Variants in DPP10 observed in about 807,000 individuals in gnomAD.
The protein encoded by DPP10 is dipeptidyl peptidase like 10.
In DPP10, 33 loss-of-function variants were observed where a neutral mutation model predicts 120.9. That is an observed-to-expected ratio of 0.27 (90% confidence interval 0.21 to 0.37). The LOEUF is 0.37. Among genes scored for constraint, DPP10 ranks in the 10% least tolerant of loss-of-function variants. The pLI, the probability that DPP10 is intolerant of heterozygous loss-of-function variation, is 1.00. For synonymous variants in DPP10, 337 were observed against 326.1 expected (o/e 1.03, Z -0.36); for missense variants, 816 against 942.8 (o/e 0.87, Z 1.76).
chr2:114,460,169 ATATCTATCTATCTATCTATCTATCTATC>A (rs10686701), intron 1 of DPP10, among the ~76,000 whole-genome samples: 14 of 148,516 alleles, frequency 9.4e-5, no homozygotes, highest in African/African-American at 1.7e-4. Context: ...ATTTGGGATG[ATATCTATCTATCTATCTATCTATCTATC>A]TATCTATCTA....
chr2:115,078,012 A>G (rs1707941886), intron 1 of DPP10, among the ~76,000 whole-genome samples: 1 of 152,200 alleles, frequency 6.6e-6, no homozygotes, highest in African/African-American at 2.4e-5. Flanking sequence ...AAATCACTTC[A>G]GTCTTTTCTA....
intron 7 of DPP10, among the ~76,000 whole-genome samples, chr2:115,691,137 A>G (rs2091291240): frequency 6.6e-6 from 1 of 151,722 alleles, no homozygotes; most frequent in East Asian, 1.9e-4. Flanking sequence ...GTTAAAAGGA[A>G]CCCCTTATAT....
intron 15 of DPP10, among the ~76,000 whole-genome samples, chr2:115,779,448 C>A (rs1414098408): frequency 6.6e-5 from 10 of 152,040 alleles, no homozygotes; most frequent in Admixed American, 6.6e-4. Flanking sequence ...CTAGGCACCC[C>A]TGCAGGAGTA....
intron 3 of DPP10, among the ~76,000 whole-genome samples, chr2:115,390,672 T>C (rs2067258600): frequency 6.6e-6 from 1 of 152,170 alleles, no homozygotes; most frequent in Non-Finnish European, 1.5e-5. Context: ...TTACATTTAG[T>C]TAATGAGATA....
At chr2:115,336,601 A>C (rs28495778) in intron 2 of DPP10, among the ~76,000 whole-genome samples, 32,923 of 91,662 alleles carry the variant, frequency 0.36, 4,181 homozygotes, top group East Asian at 0.41. Context: ...CTCTCTCTCT[A>C]TATATATATA....
At chr2:114,961,285 C>T (rs1698609121) in intron 1 of DPP10, among the ~76,000 whole-genome samples, 1 of 152,008 alleles carries the variant, frequency 6.6e-6, no homozygotes, top group Non-Finnish European at 1.5e-5. Context: ...AACTCCCGAC[C>T]TCAGGTGATC....
At chr2:115,812,183 A>T (rs1686717704) in intron 19 of DPP10, among the ~76,000 whole-genome samples, 1 of 152,118 alleles carries the variant, frequency 6.6e-6, no homozygotes, top group Non-Finnish European at 1.5e-5. Flanking sequence ...TGGTATTTTT[A>T]CTCAGCTTAG....
At chr2:114,799,021 C>T (rs929672850) in intron 1 of DPP10, among the ~76,000 whole-genome samples, 6 of 151,960 alleles carry the variant, frequency 3.9e-5, no homozygotes, top group African/African-American at 7.3e-5. Context: ...CCCAGCTAAT[C>T]GGGAAGCTGG....
intron 1 of DPP10, among the ~76,000 whole-genome samples, chr2:114,597,171 AAG>A (rs1369398077): frequency 6.6e-6 from 1 of 152,042 alleles, no homozygotes; most frequent in Non-Finnish European, 1.5e-5. Flanking sequence ...ATTCCAGCAA[AAG>A]AGAGAGGCAT....
At chr2:114,673,119 T>C (rs1698453557) in intron 1 of DPP10, among the ~76,000 whole-genome samples, 1 of 152,186 alleles carries the variant, frequency 6.6e-6, no homozygotes, top group African/African-American at 2.4e-5. Flanking sequence ...TCTTTCTCTG[T>C]GTGCTACTTA....
chr2:114,768,703 A>G (rs1172297661), intron 1 of DPP10, among the ~76,000 whole-genome samples: 2 of 152,154 alleles, frequency 1.3e-5, no homozygotes, highest in African/African-American at 4.8e-5. Context: ...TATTCTGCCT[A>G]CCACAGGGCC....
intron 1 of DPP10, among the ~76,000 whole-genome samples, chr2:114,775,499 C>G (rs1681646604): frequency 6.6e-6 from 1 of 152,142 alleles, no homozygotes; most frequent in African/African-American, 2.4e-5. Context: ...TGTCCCACTT[C>G]TGGGCATCCT....
chr2:114,859,054 C>T (rs1689594269), intron 1 of DPP10, among the ~76,000 whole-genome samples: 1 of 151,820 alleles, frequency 6.6e-6, no homozygotes, highest in African/African-American at 2.4e-5. Flanking sequence ...TGGCCAGACG[C>T]GGTGGCTCAC....
intron 5 of DPP10, among the ~76,000 whole-genome samples, chr2:115,590,023 T>G (rs1244227802): frequency 6.6e-6 from 1 of 152,020 alleles, no homozygotes; most frequent in Non-Finnish European, 1.5e-5. Flanking sequence ...ATCTCCCTGC[T>G]TTTTGTTTCC....
intron 17 of DPP10, 135 bp from the exon 18 acceptor site, chr2:115,790,946 T>A (rs1683903783): frequency 7.3e-6 from 4 of 546,456 alleles, no homozygotes; most frequent in Non-Finnish European, 3.2e-6. Context: ...GTTGTAGTAA[T>A]TCAAAAGAGA....
intron 1 of DPP10, among the ~76,000 whole-genome samples, chr2:114,711,182 T>C (rs1701005118): frequency 6.6e-6 from 1 of 152,180 alleles, no homozygotes; most frequent in South Asian, 2.1e-4. Context: ...CTTCCAGGCA[T>C]GGTATGACAT....
intron 4 of DPP10, among the ~76,000 whole-genome samples, chr2:115,499,929 G>C (rs916841294): frequency 6.6e-6 from 1 of 151,764 alleles, no homozygotes; most frequent in Non-Finnish European, 1.5e-5. Context: ...GGCTCATCTA[G>C]CCTTATTTAT....
At chr2:115,244,615 T>G (rs1377554660) in intron 1 of DPP10, among the ~76,000 whole-genome samples, 1 of 151,876 alleles carries the variant, frequency 6.6e-6, no homozygotes, top group African/African-American at 2.4e-5. Flanking sequence ...GCTGAAGAGA[T>G]AAATAGAAAA....
At chr2:114,468,397 CAAAAAAAAA>C (rs71297186) in intron 1 of DPP10, among the ~76,000 whole-genome samples, 2 of 69,560 alleles carry the variant, frequency 2.9e-5, no homozygotes, top group African/African-American at 5.3e-5. Context: ...GCTTACAATG[CAAAAAAAAA>C]AAAAAAAAAA....
Sources: allele counts gnomAD v4.1 joint callset (sites outside exome capture counted in the v4.1 genomes callset), GRCh38; gene constraint gnomAD v4.1.1; transcripts MANE v1.5; gene names NCBI Gene and HGNC (gene_info 2026-07-23, HGNC 2026-07-21).